Variants in DESI1 observed in about 807,000 individuals in gnomAD.
DESI1 encodes PPPDE peptidase domain containing 2.
DESI1 carries 17 observed loss-of-function variants against 22.4 expected under a neutral mutation model. That is an observed-to-expected ratio of 0.76 (90% CI 0.52 to 1.14). The LOEUF is 1.14. Ranked by LOEUF, DESI1 falls within the 50% of genes most tolerant of loss-of-function variation. The pLI is 0.00. For synonymous variants in DESI1, 92 were observed against 84.2 expected, an observed-to-expected ratio of 1.09 and a Z score of -0.51; for missense variants, 177 against 208.9, an observed-to-expected ratio of 0.85 and a Z score of 0.94.
intron 5 of DESI1, chr22:41,602,278 C>G: frequency 1.0e-6 from 1 of 985,360 alleles, no homozygotes; most frequent in Non-Finnish European, 1.2e-6. Flanking sequence ...GGAACTCCAC[C>G]CATAAAATAA....
intron 1 of DESI1, among the ~76,000 whole-genome samples, chr22:41,617,211 T>G (rs1411235528): frequency 1.3e-5 from 2 of 152,234 alleles, no homozygotes; most frequent in Non-Finnish European, 2.9e-5. Flanking sequence ...TCAGACTGCC[T>G]GTGTTCATAA....
rs762056095 is a variant in DESI1, at chr22:41,620,820, T to C, written c.20A>G (p.Tyr7Cys). 9.3e-6 allele frequency: 15 copies of C among 1,611,494 alleles called. No homozygotes were observed. Among genetic ancestry groups the C allele is most frequent in the Non-Finnish European group, 1.2e-5 (14 of 1,178,894 alleles). Residue 7 changes from tyrosine (Y) to cysteine (C), a missense_variant, in exon 1 of 6, where the codon TAT becomes TGT. By Grantham distance (194) the Tyr-to-Cys change is radical. Coordinates refer to ENST00000263256, the MANE Select transcript of DESI1 (RefSeq NM_015704.3). ...GTCGTACACGTAGAGCTTCACCGGA[T>C]AGAGATTCGGCGGCTCCATTGGGAC... Reference protein sequence around the residue: MEPPNLYPVKLYVYDLS... With the variant: MEPPNLCPVKLYVYDLS...
rs181669519 is a variant in DESI1, at chr22:41,598,032, G to C, written c.*3065C>G. Reference sequence around the variant, plus strand: ...CTGATTCAGGCACCACACAAATGCAGCAGGCAGAAATGAGTTTATTGCATT... The same window carrying C: ...CTGATTCAGGCACCACACAAATGCACCAGGCAGAAATGAGTTTATTGCATT... On this transcript the variant is annotated 3_prime_UTR_variant, in exon 6 of 6. Transcript: ENST00000263256. 27 of 152,344 alleles carry C rather than the reference G, an allele frequency of 1.8e-4. No homozygotes were observed. The East Asian group carries it at 4.8e-3, about 27-fold the overall frequency. The allele number at this position is 152,344 out of a possible 1,614,324, so 9.4% of individuals were successfully genotyped here. A position where few individuals can be genotyped will look rare whatever the true frequency, so the allele number is the denominator to read the frequency against.
intron 1 of DESI1, among the ~76,000 whole-genome samples, chr22:41,617,548 T>C (rs2067558181): frequency 6.6e-6 from 1 of 152,238 alleles, no homozygotes; most frequent in Non-Finnish European, 1.5e-5. Flanking sequence ...TCAAGATTTG[T>C]GTTGTCTGAA....
chr22:41,618,270 G>A (rs2067561726), intron 1 of DESI1, among the ~76,000 whole-genome samples: 1 of 151,846 alleles, frequency 6.6e-6, no homozygotes, highest in South Asian at 2.1e-4. Context: ...GGCTGAGGCA[G>A]GAGAATCACT....
chr22:41,613,442 G>C (rs1027144327), intron 1 of DESI1, among the ~76,000 whole-genome samples: 1 of 152,164 alleles, frequency 6.6e-6, no homozygotes, highest in East Asian at 1.9e-4. Context: ...TAGTACCCTG[G>C]TATTGAAACT....
intron 1 of DESI1, among the ~76,000 whole-genome samples, chr22:41,613,480 C>T (rs2067530619): frequency 6.6e-6 from 1 of 152,230 alleles, no homozygotes; most frequent in South Asian, 2.1e-4. Flanking sequence ...CCCAGTTAGA[C>T]TACAGTTGCC....
intron 1 of DESI1, among the ~76,000 whole-genome samples, chr22:41,611,355 A>C (rs1362528503): frequency 2.6e-5 from 4 of 151,796 alleles, no homozygotes; most frequent in Non-Finnish European, 5.9e-5. Flanking sequence ...CTGGTCTCGA[A>C]CTCCTGACCT....
chr22:41,602,162 G>C, intron 5 of DESI1: 1 of 965,610 alleles, frequency 1.0e-6, no homozygotes, highest in Non-Finnish European at 1.2e-6. Flanking sequence ...TTTCTTCAGT[G>C]GATACTGCCA....
At chr22:41,614,283 G>C (rs1375882576) in intron 1 of DESI1, among the ~76,000 whole-genome samples, 1 of 151,896 alleles carries the variant, frequency 6.6e-6, no homozygotes, top group African/African-American at 2.4e-5. Flanking sequence ...TGATCTACCC[G>C]CCTCGGTCTC....
chr22:41,618,394 T>C (rs915166778), intron 1 of DESI1, among the ~76,000 whole-genome samples: 1 of 152,008 alleles, frequency 6.6e-6, no homozygotes, highest in African/African-American at 2.4e-5. Flanking sequence ...TGTTATTTTC[T>C]ATCACAGCAC....
At chr22:41,601,395 A>T (rs66897728) in intron 5 of DESI1, among the ~76,000 whole-genome samples, 6,188 of 152,260 alleles carry the variant, frequency 0.041, 268 homozygotes, top group African/African-American at 0.093. Context: ...CATCTCCGAA[A>T]TAGCCTGCTC....
chr22:41,617,569 C>T (rs1467048892), intron 1 of DESI1, among the ~76,000 whole-genome samples: 1 of 152,216 alleles, frequency 6.6e-6, no homozygotes, highest in Admixed American at 6.5e-5. Flanking sequence ...TGGGATGAAT[C>T]AGTAAGACCA....
At position 41,620,950 on chromosome 22, in the gene DESI1, CGGGCCCGG is replaced by C; in HGVS notation, c.-119_-112del. Reference sequence around the variant, plus strand: ...CGGAGGGAGAGGGGGGGACCGAGCCCGGGCCCGGGCTGAGGGGTGGGGGAGAGGCCGCC... The same window carrying C: ...CGGAGGGAGAGGGGGGGACCGAGCCCGCTGAGGGGTGGGGGAGAGGCCGCC... On this transcript the variant is annotated 5_prime_UTR_variant, in exon 1 of 6. Transcript: ENST00000263256. 1.2e-6 allele frequency: 1 copy of C among 857,350 alleles called. No homozygotes were observed. Among genetic ancestry groups the C allele is most frequent in the Non-Finnish European group, 1.7e-6 (1 of 584,174 alleles). 53.1% of individuals were successfully genotyped at this position (857,350 alleles called of 1,614,324 possible).
intron 1 of DESI1, among the ~76,000 whole-genome samples, chr22:41,618,360 T>A (rs1235150137): frequency 1.4e-5 from 2 of 142,734 alleles, no homozygotes; most frequent in Non-Finnish European, 1.5e-5. Context: ...AAGACTCGTC[T>A]AAAAAAAAAA....
chr22:41,601,743 C>A (rs1258832980), intron 5 of DESI1, among the ~76,000 whole-genome samples: 1 of 152,188 alleles, frequency 6.6e-6, no homozygotes, highest in Non-Finnish European at 1.5e-5. Context: ...GAGACAGAGT[C>A]TACCTCTAGC....
chr22:41,619,805 T>G (rs931076790), intron 1 of DESI1, among the ~76,000 whole-genome samples: 2 of 152,206 alleles, frequency 1.3e-5, no homozygotes, highest in African/African-American at 2.4e-5. Context: ...CATTCGCCAG[T>G]GTCTCCACAG....
intron 3 of DESI1, among the ~76,000 whole-genome samples, chr22:41,604,576 T>C (rs756658410): frequency 6.6e-6 from 1 of 152,056 alleles, no homozygotes; most frequent in Admixed American, 6.6e-5. Flanking sequence ...CAGAGCACCC[T>C]GGGCAGATGA....
At chr22:41,620,587 A>C (rs1024652097) in intron 1 of DESI1, among the ~76,000 whole-genome samples, 165 bp downstream of exon 1, 2 of 152,136 alleles carry the variant, frequency 1.3e-5, no homozygotes, top group Non-Finnish European at 2.9e-5. Flanking sequence ...AGCGGGGCTC[A>C]GATGGCCCAA....
Sources: allele counts gnomAD v4.1 joint callset (sites outside exome capture counted in the v4.1 genomes callset), GRCh38; gene constraint gnomAD v4.1.1; transcripts MANE v1.5; gene names NCBI Gene and HGNC (gene_info 2026-07-23, HGNC 2026-07-21).